CDH4: variants seen among roughly 807,000 people sequenced by gnomAD.
The protein encoded by CDH4 is cadherin-4.
A neutral mutation model predicts 86.0 loss-of-function variants in CDH4; 33 were observed. The observed-to-expected ratio is 0.38, with a 90% CI of 0.29 to 0.51. The LOEUF (loss-of-function observed/expected upper bound fraction) is 0.51. Among genes scored for constraint, CDH4 ranks in the 20% least tolerant of loss-of-function variants. The probability of loss-of-function intolerance (pLI) is 0.86; values close to 1 mark genes in which losing one functional copy is unlikely to be tolerated. For synonymous variants in CDH4, 555 were observed against 549.4 expected, an observed-to-expected ratio of 1.01 and a Z score of -0.14; for missense variants, 1,114 against 1,307.4, an observed-to-expected ratio of 0.85 and a Z score of 2.28.
At chr20:61,438,093 C>T (rs1396388871) in intron 2 of CDH4, among the ~76,000 whole-genome samples, 1 of 152,196 alleles carries the variant, frequency 6.6e-6, no homozygotes, top group Non-Finnish European at 1.5e-5. Context: ...AGTGGGCTAT[C>T]GTCTGCCACC....
chr20:61,620,170 A>ACGGACGGG (rs1352143303), intron 2 of CDH4, among the ~76,000 whole-genome samples: 5 of 54,594 alleles, frequency 9.2e-5, no homozygotes, highest in Admixed American at 5.4e-4. Flanking sequence ...GGATGGATGG[A>ACGGACGGG]TGGATGGGTG....
chr20:61,463,639 C>T (rs899147304), intron 2 of CDH4, among the ~76,000 whole-genome samples: 2 of 152,136 alleles, frequency 1.3e-5, no homozygotes, highest in Non-Finnish European at 2.9e-5. Context: ...CGGAGGGTCT[C>T]ATGTTGAATC....
chr20:61,307,614 G>T (rs1383279082), intron 2 of CDH4, among the ~76,000 whole-genome samples: 1 of 152,260 alleles, frequency 6.6e-6, no homozygotes, highest in East Asian at 1.9e-4. Context: ...CCTGCCCCAG[G>T]CAGGAATCTG....
At position 61,849,125 on chromosome 20, in the gene CDH4, A is replaced by G. The variant is rs538055288; in HGVS notation, c.733-3629A>G. Among the ~76,000 whole-genome samples, 3 of 152,008 alleles carry G rather than the reference A, an allele frequency of 2.0e-5. No individual in the cohort carries two copies. In the Middle Eastern group the frequency reaches 0.01, roughly 517 times the overall value. The stretch of plus-strand genomic sequence containing the variant: ...GGAGAAGAAGCTGCATCGTCTGCCA[A>G]ATTCTGGAATGAAGCCCTCAAGTTC... On this transcript the variant is annotated intron_variant, in intron 5 of 15. Transcript: ENST00000614565.
In CDH4 at chr20:61,597,142, C is replaced by T. The variant is rs150545048; in HGVS notation, c.170-146421C>T. 3.9e-5 allele frequency among the ~76,000 whole-genome samples: 6 copies of T among 152,272 alleles called. No individual in the cohort carries two copies. The East Asian group carries it at 7.7e-4, about 20-fold the overall frequency. On this transcript the variant is annotated intron_variant, in intron 2 of 15. Coordinates refer to ENST00000614565, the MANE Select transcript of CDH4 (RefSeq NM_001794.5). ...TCACAGGAGGCTGCTGTTTTCCTGG[C>T]GTGGTGCCCACATTCATAACAGAAG...
At chr20:61,458,421 G>A (rs572607737) in intron 2 of CDH4, among the ~76,000 whole-genome samples, 32 of 141,888 alleles carry the variant, frequency 2.3e-4, no homozygotes, top group African/African-American at 8.1e-4. Context: ...GCTGACACTG[G>A]TGGTCATGGT....
chr20:61,757,008 C>G (rs1455142603), intron 3 of CDH4, among the ~76,000 whole-genome samples: 1 of 152,244 alleles, frequency 6.6e-6, no homozygotes, highest in African/African-American at 2.4e-5. Context: ...AATAAATAAA[C>G]AGCAACAGTG....
intron 4 of CDH4, among the ~76,000 whole-genome samples, chr20:61,773,689 A>T (rs7268270): frequency 0.011 from 1,689 of 152,314 alleles, 39 homozygotes; most frequent in African/African-American, 0.039. Flanking sequence ...TGTTTCTATT[A>T]TCAAGGCCAT....
intron 2 of CDH4, among the ~76,000 whole-genome samples, chr20:61,349,547 G>C (rs186087008): frequency 6.6e-6 from 1 of 152,366 alleles, no homozygotes; most frequent in Non-Finnish European, 1.5e-5. Context: ...GAGGCCGGGA[G>C]CTGGGGTGCT....
intron 2 of CDH4, among the ~76,000 whole-genome samples, chr20:61,447,566 C>T (rs1461773816): frequency 6.6e-6 from 1 of 150,588 alleles, no homozygotes; most frequent in Non-Finnish European, 1.5e-5. Flanking sequence ...CATTCGGGGT[C>T]TCCTACTTTC....
intron 2 of CDH4, among the ~76,000 whole-genome samples, chr20:61,512,340 G>T (rs540591859): frequency 6.6e-6 from 1 of 152,288 alleles, no homozygotes; most frequent in South Asian, 2.1e-4. Flanking sequence ...AGCCAGGCCC[G>T]GGAAGGGGAT....
intron 4 of CDH4, among the ~76,000 whole-genome samples, chr20:61,774,553 T>C (rs554097825): frequency 3.3e-5 from 5 of 152,334 alleles, no homozygotes; most frequent in African/African-American, 1.2e-4. Context: ...GGGGTACATG[T>C]ATAGGATGTG....
At chr20:61,589,912 T>G (rs2086505485) in intron 2 of CDH4, among the ~76,000 whole-genome samples, 2 of 150,738 alleles carry the variant, frequency 1.3e-5, no homozygotes, top group African/African-American at 4.9e-5. Flanking sequence ...ATCAACAGGA[T>G]TAACAGGAGC....
rs773682233 is a variant in CDH4 at position 61,873,866 on chromosome 20, A to G, written c.1016A>G (p.Asp339Gly). 19 of 1,614,086 alleles carry G rather than the reference A, an allele frequency of 1.2e-5. No individual in the cohort carries two copies. The highest frequency in any genetic ancestry group is 1.6e-5 in the Non-Finnish European group (19 of 1,180,024). Residue 339 changes from aspartate to glycine, a missense_variant, in exon 7 of 16, where the codon GAT becomes GGT. Physicochemically the swap from Asp to Gly is moderately conservative, Grantham distance 94 (BLOSUM62 -1). This residue lies in a region of CDH4 where 705 missense variants were observed against 914.1 expected (regional missense o/e 0.77). Coordinates refer to ENST00000614565, the MANE Select transcript of CDH4 (RefSeq NM_001794.5). ...NMFTINSETG[D>G]IVTVAAGLDR... ...TTCACCATCAACAGCGAGACTGGAG[A>G]TATCGTCACAGTGGCGGCTGGCCTG...
intron 2 of CDH4, among the ~76,000 whole-genome samples, chr20:61,373,167 C>T (rs1449653821): frequency 6.6e-6 from 1 of 152,234 alleles, no homozygotes; most frequent in Non-Finnish European, 1.5e-5. Flanking sequence ...GTGGCCGACA[C>T]TCCCGCCCCC....
At chr20:61,633,035 C>T (rs886634732) in intron 2 of CDH4, among the ~76,000 whole-genome samples, 3 of 151,450 alleles carry the variant, frequency 2.0e-5, no homozygotes, top group African/African-American at 7.3e-5. Context: ...TTCCTCCATC[C>T]ATTTATCCAT....
chr20:61,834,833 C>A (rs1169444150), intron 4 of CDH4, among the ~76,000 whole-genome samples: 1 of 152,236 alleles, frequency 6.6e-6, no homozygotes, highest in Non-Finnish European at 1.5e-5. Context: ...GAAGCAGAAG[C>A]TGCCTCCACT....
At chr20:61,897,728 C>T in intron 8 of CDH4, among the ~76,000 whole-genome samples, 1 of 152,224 alleles carries the variant, frequency 6.6e-6, no homozygotes, top group East Asian at 1.9e-4. Context: ...TAAGCACAGG[C>T]TACTGCAGCC....
At chr20:61,280,571 G>A (rs771185302) in intron 2 of CDH4, among the ~76,000 whole-genome samples, 18 of 152,200 alleles carry the variant, frequency 1.2e-4, no homozygotes, top group Admixed American at 2.6e-4. Flanking sequence ...AGGGTTTCAC[G>A]GCTGTGAAAA....
Sources: gnomAD v4.1 joint callset for allele counts (sites outside exome capture counted in the v4.1 genomes callset) on GRCh38, gnomAD v4.1.1 for gene constraint, gnomAD v4.1.1 regional missense constraint, MANE v1.5 for transcripts, NCBI Gene and HGNC (gene_info 2026-07-23, HGNC 2026-07-21) for gene names.